CSMD1: variants seen among roughly 807,000 people sequenced by gnomAD.
CSMD1 encodes the protein CUB and sushi domain-containing protein 1.
CSMD1 carries 213 observed loss-of-function variants against 417.5 expected under a neutral mutation model. The observed-to-expected ratio is 0.51, with a 90% CI of 0.46 to 0.57. The LOEUF (loss-of-function observed/expected upper bound fraction) is 0.57, where lower values mean the gene tolerates loss of function less well. CSMD1 is among the 20% of genes least tolerant of loss of function. The pLI is 0.00. For synonymous variants in CSMD1, 2,862 were observed against 1,736.8 expected, an observed-to-expected ratio of 1.65 and a Z score of -16.11; for missense variants, 6,923 against 4,529.7, an observed-to-expected ratio of 1.53 and a Z score of -15.17.
rs1196165947 is a variant in CSMD1, at chr8:4,490,155, TTCAGCCTC to T, written c.303-70098_303-70091del. On this transcript the variant is annotated intron_variant, in intron 2 of 69. Coordinates refer to ENST00000635120, the MANE Select transcript of CSMD1 (RefSeq NM_033225.6). The stretch of plus-strand genomic sequence containing the variant: ...TCCTGAGTTCAAGTGATTCTCCTGC[TTCAGCCTC>T]TCAGGTAGCTGGGATTACAGGTGCC... Among the ~76,000 whole-genome samples the T allele has an allele frequency of 2.0e-5, 3 of 151,650 alleles. No individual in the cohort carries two copies. In the East Asian group the frequency reaches 5.8e-4, roughly 29 times the overall value.
intron 1 of CSMD1, among the ~76,000 whole-genome samples, chr8:4,850,486 C>T (rs1206975687): frequency 2.1e-5 from 3 of 143,590 alleles, no homozygotes; most frequent in African/African-American, 7.7e-5. Flanking sequence ...AGTCACATGA[C>T]AATTGCAAAC....
intron 3 of CSMD1, among the ~76,000 whole-genome samples, chr8:4,054,935 A>T (rs2740881): frequency 6.6e-6 from 1 of 152,192 alleles, no homozygotes; most frequent in Non-Finnish European, 1.5e-5. Flanking sequence ...TTAAATCAAT[A>T]AAGTACAAAG....
rs186599470 is a variant in CSMD1 at position 3,100,703 on chromosome 8, G to A, written c.6950-3666C>T. On this transcript the variant is annotated intron_variant, in intron 46 of 69. Transcript: ENST00000635120. ...TTGTTTTTAAAGAAAAATAAAATGT[G>A]AGGCTTAAAACCCAAAGCATCTTAT... is the stretch of plus-strand genomic sequence containing the variant. 2.6e-5 allele frequency among the ~76,000 whole-genome samples: 4 copies of A among 152,312 alleles called. No individual in the cohort carries two copies. In the East Asian group the frequency reaches 5.8e-4, roughly 22 times the overall value.
intron 2 of CSMD1, among the ~76,000 whole-genome samples, chr8:4,447,822 G>A (rs762972850): frequency 2.6e-5 from 4 of 152,164 alleles, no homozygotes; most frequent in East Asian, 3.9e-4. Flanking sequence ...AAGTCACAAC[G>A]TTTCAAAGAT....
At position 3,289,288 on chromosome 8, in the gene CSMD1, C is replaced by T. The variant is rs945920369; in HGVS notation, c.3951-4942G>A. On this transcript the variant is annotated intron_variant, in intron 25 of 69. Transcript: ENST00000635120. Reference sequence around the variant, plus strand: ...TGTGAATAGTGCCGCTATAAACATACGTGTGCATGTGTCTTTATAGCAGCA... The same window carrying T: ...TGTGAATAGTGCCGCTATAAACATATGTGTGCATGTGTCTTTATAGCAGCA... 6.1e-5 allele frequency among the ~76,000 whole-genome samples: 9 copies of T among 147,104 alleles called. 1 individual carries two copies. The highest frequency in any genetic ancestry group is 2.1e-4 in the South Asian group (1 of 4,818).
chr8:4,313,786 C>A, intron 3 of CSMD1, among the ~76,000 whole-genome samples: 1 of 151,966 alleles, frequency 6.6e-6, no homozygotes, highest in East Asian at 1.9e-4. Flanking sequence ...GAGGCCAAGG[C>A]AGGCGGATCA....
At chr8:4,803,314 A>C (rs1798409241) in intron 1 of CSMD1, among the ~76,000 whole-genome samples, 3 of 152,210 alleles carry the variant, frequency 2.0e-5, no homozygotes, top group African/African-American at 7.2e-5. Context: ...GTGTTCAGTG[A>C]AGAATTCATG....
intron 1 of CSMD1, among the ~76,000 whole-genome samples, chr8:4,923,553 A>T (rs890784342): frequency 1.2e-4 from 19 of 152,158 alleles, no homozygotes; most frequent in African/African-American, 4.3e-4. Flanking sequence ...ATGTGCCCAC[A>T]TAACTTAAAA....
chr8:3,808,858 A>C (rs1800900934), intron 5 of CSMD1, among the ~76,000 whole-genome samples: 1 of 152,210 alleles, frequency 6.6e-6, no homozygotes, highest in Admixed American at 6.5e-5. Flanking sequence ...CGCAGCCCTT[A>C]GGTCTCAATG....
intron 1 of CSMD1, among the ~76,000 whole-genome samples, chr8:4,913,768 A>C (rs1002508362): frequency 1.3e-5 from 2 of 152,124 alleles, no homozygotes; most frequent in African/African-American, 4.8e-5. Context: ...TACCAGAATT[A>C]GGGAGTCACT....
chr8:3,018,454 T>G (rs748707307), intron 52 of CSMD1, 23 bp downstream of exon 52: 2 of 1,609,106 alleles, frequency 1.2e-6, no homozygotes, highest in Non-Finnish European at 1.7e-6. Context: ...ATTAAGTAAG[T>G]GCCAGAACAC....
chr8:3,349,884 T>TATAA (rs58236285), intron 21 of CSMD1, among the ~76,000 whole-genome samples: 48,473 of 125,320 alleles, frequency 0.39, 8,644 homozygotes, highest in Middle Eastern at 0.47. Context: ...TATATCTATA[T>TATAA]ATATATTTAT....
intron 5 of CSMD1, among the ~76,000 whole-genome samples, chr8:3,763,670 C>G (rs557852009): frequency 6.6e-6 from 1 of 152,300 alleles, no homozygotes; most frequent in Non-Finnish European, 1.5e-5. Context: ...GCAAAACACA[C>G]TGACACAAGT....
intron 7 of CSMD1, among the ~76,000 whole-genome samples, chr8:3,675,859 C>G (rs1181251743): frequency 6.6e-6 from 1 of 152,174 alleles, no homozygotes; most frequent in Non-Finnish European, 1.5e-5. Context: ...TGCAAATTTT[C>G]TAGACTAACG....
At chr8:2,974,344 T>G (rs955235319) in intron 56 of CSMD1, 107 bp downstream of exon 56, 1 of 1,087,568 alleles carries the variant, frequency 9.2e-7, no homozygotes, top group Non-Finnish European at 1.3e-6. Context: ...AATAAATGCA[T>G]AATTATAGGG....
At chr8:4,138,225 T>C (rs1168147464) in intron 3 of CSMD1, among the ~76,000 whole-genome samples, 3 of 133,730 alleles carry the variant, frequency 2.2e-5, no homozygotes, top group African/African-American at 7.9e-5. Context: ...TTTTTTTTTT[T>C]CAGGTCTCTA....
rs1337074675 is a variant in CSMD1 at position 3,609,932 on chromosome 8, G to C, written c.1097+6778C>G. ...TTCTCCTGCCTCAGCCTCCCAAGTA[G>C]CTGGGACTACGGGCGCACACCAACA... On this transcript the variant is annotated intron_variant, in intron 8 of 69. Coordinates refer to ENST00000635120, the MANE Select transcript of CSMD1 (RefSeq NM_033225.6). Among the ~76,000 whole-genome samples, 4 of 144,146 alleles carry C rather than the reference G, an allele frequency of 2.8e-5. No individual in the cohort carries two copies. In the Admixed American group the frequency reaches 2.9e-4, roughly 11 times the overall value. The allele number at this position is 144,146 out of a possible 152,430, so 94.6% of individuals were successfully genotyped here.
At chr8:4,913,724 G>C (rs1438045609) in intron 1 of CSMD1, among the ~76,000 whole-genome samples, 1 of 152,084 alleles carries the variant, frequency 6.6e-6, no homozygotes, top group Non-Finnish European at 1.5e-5. Context: ...AAGAACCATT[G>C]ACAAATCTGC....
intron 3 of CSMD1, among the ~76,000 whole-genome samples, chr8:4,312,705 C>T (rs1389240282): frequency 6.6e-6 from 1 of 151,862 alleles, no homozygotes; most frequent in African/African-American, 2.4e-5. Context: ...GACGAAACCC[C>T]ATTTCTACTA....
Sources: allele counts gnomAD v4.1 joint callset (sites outside exome capture counted in the v4.1 genomes callset), GRCh38; gene constraint gnomAD v4.1.1; transcripts MANE v1.5; gene names NCBI Gene and HGNC (gene_info 2026-07-23, HGNC 2026-07-21).